Variants in UHRF1 observed in about 807,000 individuals in gnomAD.
The protein encoded by UHRF1 is ubiquitin like with PHD and ring finger domains 1.
In UHRF1, 9 loss-of-function variants were observed where a neutral mutation model predicts 96.5. That is an observed-to-expected ratio of 0.09 (90% CI 0.06 to 0.16). The LOEUF (loss-of-function observed/expected upper bound fraction) is 0.16. UHRF1 is among the 10% of genes least tolerant of loss of function. The pLI, the probability that UHRF1 is intolerant of heterozygous loss-of-function variation, is 1.00. For missense variants in UHRF1, 626 were observed against 1,131.1 expected (o/e 0.55, Z 6.40); for synonymous variants, 455 against 469.9 (o/e 0.97, Z 0.41).
At chr19:4,955,715 CAGG>C (rs1289610521) in intron 15 of UHRF1, among the ~76,000 whole-genome samples, 2 of 151,982 alleles carry the variant, frequency 1.3e-5, no homozygotes, top group Non-Finnish European at 2.9e-5. Context: ...TAGCTCCAAG[CAGG>C]AGGAGGTGTC....
rs1420154598 is a variant in UHRF1, at chr19:4,930,960, G to GCACT, written c.569+85_569+88dup. Reference sequence around the variant, plus strand: ...CTGCGGGTGTTCAGGCCAGAGCTTGGCACTGTCTCGAGATGGTGATCAGGA... The same window carrying GCACT: ...CTGCGGGTGTTCAGGCCAGAGCTTGGCACTCACTGTCTCGAGATGGTGATCAGGA... On this transcript the variant is annotated intron_variant, in intron 4 of 16. Coordinates refer to ENST00000650932, the MANE Select transcript of UHRF1 (RefSeq NM_001048201.3). The surrounding 1 kb of genome is among the most constrained non-coding windows in gnomAD (Gnocchi z 4.4). The GCACT allele has an allele frequency of 5.8e-6, 9 of 1,556,028 alleles. No homozygotes were observed. The highest frequency in any genetic ancestry group is 5.1e-5 in the Admixed American group (3 of 58,336).
In UHRF1 at chr19:4,962,097, A is replaced by G. The variant is rs1485530715; in HGVS notation, c.*1294A>G. On this transcript the variant is annotated 3_prime_UTR_variant, in exon 17 of 17. Coordinates refer to ENST00000650932, the MANE Select transcript of UHRF1 (RefSeq NM_001048201.3). The stretch of plus-strand genomic sequence containing the variant: ...GACAATTTTGTGTAGGCTTTTTCTA[A>G]AGTCCAGTACTTTGTCCAGATTTTA... 6.6e-6 allele frequency: 1 copy of G among 152,170 alleles called. No individual in the cohort carries two copies. The highest frequency in any genetic ancestry group is 1.5e-5 in the Non-Finnish European group (1 of 68,030). 9.4% of individuals were successfully genotyped at this position (152,170 alleles called of 1,614,324 possible).
At chr19:4,947,257 C>A in intron 11 of UHRF1, 46 bp downstream of exon 11, 1 of 1,546,650 alleles carries the variant, frequency 6.5e-7, no homozygotes, top group African/African-American at 1.4e-5. Flanking sequence ...GCATATCTGC[C>A]GAGTCTTGGT....
chr19:4,934,864 G>T (rs962292606), intron 5 of UHRF1, among the ~76,000 whole-genome samples: 1 of 152,132 alleles, frequency 6.6e-6, no homozygotes, highest in Admixed American at 6.6e-5. Flanking sequence ...CGCGTGGCTC[G>T]GGTGTGGTGT....
upstream of UHRF1, among the ~76,000 whole-genome samples, chr19:4,908,715 C>G (rs2032129311): frequency 6.6e-6 from 1 of 152,214 alleles, no homozygotes; most frequent in Admixed American, 6.5e-5. Flanking sequence ...AAGGAATCAT[C>G]TGAAATTATC....
intron 2 of UHRF1, 80 bp from the exon 3 acceptor site, chr19:4,929,142 G>A: frequency 5.2e-6 from 8 of 1,540,398 alleles, no homozygotes; most frequent in Admixed American, 1.8e-5. Flanking sequence ...GGGACACAGT[G>A]TTTGGTTCAT....
intron 5 of UHRF1, among the ~76,000 whole-genome samples, chr19:4,933,957 TTGTGTGTGTGTGTGCGTGTGTG>T (rs1439061383): frequency 2.0e-5 from 2 of 97,706 alleles, no homozygotes; most frequent in Non-Finnish European, 4.3e-5. Context: ...CCTTGCCTCT[TTGTGTGTGTGTGTGCGTGTGTG>T]TGTGTGTGTG....
At chr19:4,933,985 G>C (rs1306524065) in intron 5 of UHRF1, among the ~76,000 whole-genome samples, 1 of 150,434 alleles carries the variant, frequency 6.6e-6, no homozygotes, top group Non-Finnish European at 1.5e-5. Context: ...GTGTGTGTGT[G>C]TGTGTGTGTG....
At chr19:4,951,903 C>T (rs1456948798) in intron 13 of UHRF1, among the ~76,000 whole-genome samples, 1 of 152,168 alleles carries the variant, frequency 6.6e-6, no homozygotes, top group Non-Finnish European at 1.5e-5. Flanking sequence ...AGAAGCTTTA[C>T]AGCAGACGAA....
At chr19:4,934,659 G>C (rs1568419684) in intron 5 of UHRF1, among the ~76,000 whole-genome samples, 1 of 152,312 alleles carries the variant, frequency 6.6e-6, no homozygotes, top group South Asian at 2.1e-4. Flanking sequence ...CCGAGTGATA[G>C]TACGTGACGT....
chr19:4,904,340 T>C (rs984926207), intron 1 of UHRF1, among the ~76,000 whole-genome samples: 8 of 152,070 alleles, frequency 5.3e-5, no homozygotes, highest in Admixed American at 3.9e-4. Context: ...CACAAATGCC[T>C]GGCTAATTTT....
intron 13 of UHRF1, among the ~76,000 whole-genome samples, chr19:4,952,668 C>T (rs927457790): frequency 1.3e-5 from 2 of 151,792 alleles, no homozygotes; most frequent in African/African-American, 4.8e-5. Context: ...AGGTGTGAGC[C>T]GCTGACCCTG....
At chr19:4,925,608 G>A (rs1156727338) in intron 2 of UHRF1, among the ~76,000 whole-genome samples, 2 of 151,300 alleles carry the variant, frequency 1.3e-5, no homozygotes, top group African/African-American at 4.9e-5. Context: ...TGCAACCTCC[G>A]TCTCCCAGGT....
intron 2 of UHRF1, among the ~76,000 whole-genome samples, chr19:4,917,111 GTTTTTTT>G (rs59815341): frequency 5.2e-5 from 4 of 77,210 alleles, no homozygotes; most frequent in East Asian, 5.3e-4. Flanking sequence ...TTAAGTTTTC[GTTTTTTT>G]TTTTTTTTTT....
chr19:4,914,606 C>T (rs762331884), intron 2 of UHRF1, among the ~76,000 whole-genome samples: 1 of 151,178 alleles, frequency 6.6e-6, no homozygotes. Flanking sequence ...TTTGGGCAGA[C>T]GGCCCAGCCT....
At chr19:4,945,453 T>C (rs1352335662) in intron 9 of UHRF1, among the ~76,000 whole-genome samples, 1 of 151,990 alleles carries the variant, frequency 6.6e-6, no homozygotes. Flanking sequence ...GAGATGGGGT[T>C]TCACCTTGTT....
chr19:4,911,127 C>G (rs540506584), intron 2 of UHRF1, 89 bp downstream of exon 2: 2 of 1,214,596 alleles, frequency 1.6e-6, no homozygotes, highest in Non-Finnish European at 2.2e-6. Flanking sequence ...CCTCCCACCT[C>G]CCCCCCCAAC....
chr19:4,940,437 C>T (rs762673978), intron 5 of UHRF1, among the ~76,000 whole-genome samples: 2 of 138,044 alleles, frequency 1.4e-5, no homozygotes, highest in Non-Finnish European at 3.0e-5. Flanking sequence ...GTGATCATCT[C>T]AGCTCCACAA....
At position 4,954,931 on chromosome 19, in the gene UHRF1, G is replaced by A; in HGVS notation, c.2130+109G>A. On this transcript the variant is annotated intron_variant, in intron 15 of 16. Coordinates refer to ENST00000650932, the MANE Select transcript of UHRF1 (RefSeq NM_001048201.3). The surrounding 1 kb of genome is among the most constrained non-coding windows in gnomAD (Gnocchi z 5.9). ...TTCAAGTGTACAGCTCAGTCGCACT[G>A]AGTACATTCTTGTGGTTGTGCAACC... 7.3e-7 allele frequency: 1 copy of A among 1,372,078 alleles called. No individual in the cohort carries two copies. Among genetic ancestry groups the A allele is most frequent in the Non-Finnish European group, 1.0e-6 (1 of 991,028 alleles). The allele number at this position is 1,372,078 out of a possible 1,614,324, so 85.0% of individuals were successfully genotyped here.
Sources: allele counts gnomAD v4.1 joint callset (sites outside exome capture counted in the v4.1 genomes callset), GRCh38; gene constraint gnomAD v4.1.1; non-coding constraint Gnocchi (gnomAD v3.1); transcripts MANE v1.5; gene names NCBI Gene and HGNC (gene_info 2026-07-23, HGNC 2026-07-21).